FRS2: variants seen among roughly 807,000 people sequenced by gnomAD.
The protein encoded by FRS2 is FGFR signalling adaptor.
FRS2 carries 8 observed loss-of-function variants against 43.9 expected under a neutral mutation model. The ratio of observed to expected loss-of-function variants is 0.18; its 90% CI spans 0.11 to 0.33. FRS2 has a LOEUF of 0.33. Ranked by LOEUF, FRS2 falls within the 10% of genes least tolerant of loss-of-function variation. The pLI is 1.00. For missense variants in FRS2, 534 were observed against 627.6 expected (o/e 0.85, Z 1.59); for synonymous variants, 219 against 220.3 (o/e 0.99, Z 0.05).
intron 3 of FRS2, among the ~76,000 whole-genome samples, chr12:69,560,682 G>T (rs116570988): frequency 6.6e-6 from 1 of 152,152 alleles, no homozygotes; most frequent in Admixed American, 6.5e-5. Context: ...TCTATGTGTG[G>T]CATACAGTAA....
At chr12:69,479,200 A>G (rs923378175) in intron 1 of FRS2, among the ~76,000 whole-genome samples, 1 of 152,080 alleles carries the variant, frequency 6.6e-6, no homozygotes, top group Non-Finnish European at 1.5e-5. Context: ...GGTGTGTTGG[A>G]AAACTTTTTG....
rs1196683532 is a variant in FRS2 at position 69,577,712 on chromosome 12, ATCT to A, written c.*2764_*2766del. The stretch of plus-strand genomic sequence containing the variant: ...TTAGTGTGTTTTATTTCCCAGTTTC[ATCT>A]TCTTCTAAAAATGAAAATATGGTGC... On this transcript the variant is annotated 3_prime_UTR_variant, in exon 9 of 9. Coordinates refer to ENST00000549921, the MANE Select transcript of FRS2 (RefSeq NM_001278356.2). The A allele has an allele frequency of 6.6e-6, 1 of 152,564 alleles. No individual in the cohort carries two copies. The highest frequency in any genetic ancestry group is 1.5e-5 in the Non-Finnish European group (1 of 67,984). The allele number at this position is 152,564 out of a possible 1,614,324, so 9.5% of individuals were successfully genotyped here.
chr12:69,481,704 C>T (rs905966849), intron 1 of FRS2, among the ~76,000 whole-genome samples: 1 of 152,128 alleles, frequency 6.6e-6, no homozygotes, highest in Non-Finnish European at 1.5e-5. Flanking sequence ...AGTTCTTTGT[C>T]TTTCATGCAA....
chr12:69,524,759 G>A (rs1876033936), intron 1 of FRS2, among the ~76,000 whole-genome samples: 1 of 152,176 alleles, frequency 6.6e-6, no homozygotes, highest in Non-Finnish European at 1.5e-5. Flanking sequence ...ACTTGGCACA[G>A]GCTGGAGTTC....
rs967189428 is a variant in FRS2 at position 69,577,626 on chromosome 12, A to G, written c.*2671A>G. 1.3e-5 allele frequency: 2 copies of G among 152,638 alleles called. No individual in the cohort carries two copies. The highest frequency in any genetic ancestry group is 2.9e-5 in the Non-Finnish European group (2 of 68,006). The allele number at this position is 152,638 out of a possible 1,614,324, so 9.5% of individuals were successfully genotyped here. ...GAATACTGTTTTATCCATACAAATC[A>G]TAACAGCATCTATCCCATGCTAGGG... On this transcript the variant is annotated 3_prime_UTR_variant, in exon 9 of 9. Transcript: ENST00000549921.
At position 69,571,388 on chromosome 12, in the gene FRS2, T is replaced by C; in HGVS notation, c.366T>C (p.Asn122=). ...AAGAGCCAGTTGTAGAAAGAAATAATCATCAGACAGAATTGGAAGTCCCTA... is the reference window on the plus strand; with the variant it reads ...AAGAGCCAGTTGTAGAAAGAAATAACCATCAGACAGAATTGGAAGTCCCTA... ...VVEEPVVERN[N]HQTELEVPRT... is the part of the protein sequence containing the mutation. Residue 122 remains asparagine, a synonymous_variant, in exon 7 of 9, where the codon AAT becomes AAC. Coordinates refer to ENST00000549921, the MANE Select transcript of FRS2 (RefSeq NM_001278356.2). 6.2e-7 allele frequency: 1 copy of C among 1,612,874 alleles called. No homozygotes were observed. Among genetic ancestry groups the C allele is most frequent in the Non-Finnish European group, 8.5e-7 (1 of 1,179,174 alleles).
intron 1 of FRS2, among the ~76,000 whole-genome samples, chr12:69,476,759 G>A (rs375011199): frequency 1.3e-5 from 2 of 149,352 alleles, no homozygotes; most frequent in East Asian, 2.0e-4. Context: ...GGGACGGGGG[G>A]GGGTGTGGGG....
intron 1 of FRS2, chr12:69,491,698 G>GA (rs1325396852): frequency 6.6e-6 from 1 of 151,924 alleles, no homozygotes; most frequent in East Asian, 1.9e-4. Context: ...TTGTTGTAGA[G>GA]ACGGGGACTC....
intron 1 of FRS2, among the ~76,000 whole-genome samples, chr12:69,493,549 C>T (rs965366212): frequency 4.6e-5 from 7 of 152,262 alleles, no homozygotes; most frequent in African/African-American, 1.7e-4. Flanking sequence ...AAAGAAACCA[C>T]GTCTCTACTA....
chr12:69,530,659 C>T (rs1475480139), intron 1 of FRS2, among the ~76,000 whole-genome samples: 1 of 152,080 alleles, frequency 6.6e-6, no homozygotes, highest in Non-Finnish European at 1.5e-5. Context: ...GGGAGGATCG[C>T]CTGAGCCCAT....
chr12:69,493,851 C>T (rs1445473799), intron 1 of FRS2, among the ~76,000 whole-genome samples: 1 of 152,168 alleles, frequency 6.6e-6, no homozygotes, highest in African/African-American at 2.4e-5. Context: ...GCTGCATATA[C>T]ATAGGATTTA....
At chr12:69,504,427 G>C (rs1484539929) in intron 1 of FRS2, among the ~76,000 whole-genome samples, 1 of 152,066 alleles carries the variant, frequency 6.6e-6, no homozygotes, top group Admixed American at 6.6e-5. Context: ...TGAAGTGAGA[G>C]TTTATTTAAG....
Position 69,515,769 on chromosome 12 carries a change from CTT to C in FRS2, c.-260-15082_-260-15081del, listed in dbSNP as rs60246184. Among the ~76,000 whole-genome samples, 246 of 138,310 alleles carry C rather than the reference CTT, an allele frequency of 1.8e-3. 1 individual carries two copies. Among genetic ancestry groups the C allele is most frequent in the African/African-American group, 5.9e-3 (225 of 38,068 alleles). The allele number at this position is 138,310 out of a possible 152,430, so 90.7% of individuals were successfully genotyped here. On this transcript the variant is annotated intron_variant, in intron 1 of 8. Transcript: ENST00000549921. Reference sequence around the variant, plus strand: ...TCTGTATCAGGAAAGTCATTGAGGTCTTTTTTTTTTTTTTTAAGTTTGAATCT... The same window carrying C: ...TCTGTATCAGGAAAGTCATTGAGGTCTTTTTTTTTTTTTAAGTTTGAATCT...
chr12:69,552,858 C>T (rs1290310330), intron 3 of FRS2, among the ~76,000 whole-genome samples: 2 of 151,102 alleles, frequency 1.3e-5, no homozygotes, highest in Non-Finnish European at 2.9e-5. Flanking sequence ...CACTGTTGCG[C>T]TCCAGCCTGG....
intron 1 of FRS2, among the ~76,000 whole-genome samples, chr12:69,485,081 A>AC (rs1318463746): frequency 5.2e-5 from 7 of 133,386 alleles, no homozygotes; most frequent in African/African-American, 2.0e-4. Flanking sequence ...CCTCATCTTA[A>AC]AACACACACA....
At chr12:69,572,354 G>C in intron 8 of FRS2, 73 bp downstream of exon 8, 8 of 1,144,158 alleles carry the variant, frequency 7.0e-6, no homozygotes, top group Non-Finnish European at 8.9e-6. Context: ...AATACTGGAA[G>C]ATTTTATTCA....
At chr12:69,498,616 G>A (rs531314799) in intron 1 of FRS2, among the ~76,000 whole-genome samples, 3 of 150,804 alleles carry the variant, frequency 2.0e-5, no homozygotes, top group African/African-American at 7.3e-5. Flanking sequence ...TTTTATGTGT[G>A]GTCAGGACAA....
chr12:69,526,594 G>A (rs1876252430), intron 1 of FRS2, among the ~76,000 whole-genome samples: 1 of 151,760 alleles, frequency 6.6e-6, no homozygotes, highest in African/African-American at 2.4e-5. Flanking sequence ...AAGAAAATTA[G>A]GAAAATTAAT....
At chr12:69,556,382 G>A (rs1879356063) in intron 3 of FRS2, among the ~76,000 whole-genome samples, 1 of 150,974 alleles carries the variant, frequency 6.6e-6, no homozygotes, top group East Asian at 1.9e-4. Context: ...ACCAAGCCTG[G>A]AGTGCAATGG....
Sources: allele counts gnomAD v4.1 joint callset (sites outside exome capture counted in the v4.1 genomes callset), GRCh38; gene constraint gnomAD v4.1.1; transcripts MANE v1.5; gene names NCBI Gene and HGNC (gene_info 2026-07-23, HGNC 2026-07-21).